Variants in PTCHD4 observed in about 807,000 individuals in gnomAD.
The protein encoded by PTCHD4 is patched domain containing 4.
Under a neutral mutation model 58.1 loss-of-function variants are expected in PTCHD4, and 33 were observed. The observed-to-expected ratio is 0.57, with a 90% CI of 0.43 to 0.76. The LOEUF is 0.76. Ranked by LOEUF, PTCHD4 falls within the 30% of genes least tolerant of loss-of-function variation. The probability of loss-of-function intolerance (pLI) is 0.00; values close to 1 mark genes in which losing one functional copy is unlikely to be tolerated. For missense variants in PTCHD4, 1,058 were observed against 1,027.1 expected, an observed-to-expected ratio of 1.03 and a Z score of -0.41; for synonymous variants, 478 against 409.6, an observed-to-expected ratio of 1.17 and a Z score of -2.02.
In PTCHD4 at chr6:47,959,234, C is replaced by G. The variant is rs367707028; in HGVS notation, c.898+49400G>C. On this transcript the variant is annotated intron_variant, in intron 4 of 4. Coordinates refer to ENST00000339488, the MANE Select transcript of PTCHD4 (RefSeq NM_001384253.1). ...CAAGAAGTTAAACAGACATGATGTA[C>G]AAAATGATTAAAAGGAAACTTCTAG... Among the ~76,000 whole-genome samples, 6 of 152,048 alleles carry G rather than the reference C, an allele frequency of 3.9e-5. No individual in the cohort carries two copies. In the East Asian group the frequency reaches 5.8e-4, roughly 15 times the overall value.
chr6:47,939,842 A>T (rs952693717), intron 4 of PTCHD4, among the ~76,000 whole-genome samples: 1 of 152,112 alleles, frequency 6.6e-6, no homozygotes, highest in Admixed American at 6.5e-5. Context: ...GAAAGAGCAC[A>T]TTCTTTGTTT....
intron 3 of PTCHD4, among the ~76,000 whole-genome samples, chr6:48,060,784 C>G (rs1239080366): frequency 2.0e-5 from 3 of 152,156 alleles, no homozygotes; most frequent in Admixed American, 6.5e-5. Context: ...ACGCCTTCAG[C>G]CTTTGAAATG....
At chr6:47,904,693 G>C (rs921706487) in intron 4 of PTCHD4, among the ~76,000 whole-genome samples, 3 of 152,118 alleles carry the variant, frequency 2.0e-5, no homozygotes, top group Admixed American at 6.6e-5. Flanking sequence ...ATGAAAATAT[G>C]ATTAGTCTTT....
chr6:47,973,996 C>T (rs1581958053), intron 4 of PTCHD4, among the ~76,000 whole-genome samples: 1 of 152,186 alleles, frequency 6.6e-6, no homozygotes, highest in Admixed American at 6.5e-5. Context: ...GAACAGGACA[C>T]CCAGAGAAAG....
chr6:47,877,162 C>A lies in PTCHD4; in HGVS notation c.*1141G>T, dbSNP rs1365514788. Among the ~76,000 whole-genome samples the A allele has an allele frequency of 6.6e-6, 1 of 151,920 alleles. No individual in the cohort carries two copies. The highest frequency in any genetic ancestry group is 1.5e-5 in the Non-Finnish European group (1 of 67,932). On this transcript the variant is annotated 3_prime_UTR_variant, in exon 5 of 5. Transcript: ENST00000339488. The stretch of plus-strand genomic sequence containing the variant: ...TGGCATGTGATGAGTGGGTATGGTC[C>A]ATTTTATTCTATTTCACTCTACGAG...
At chr6:48,062,888 T>C (rs1189266371) in intron 3 of PTCHD4, among the ~76,000 whole-genome samples, 1 of 152,092 alleles carries the variant, frequency 6.6e-6, no homozygotes, top group Non-Finnish European at 1.5e-5. Context: ...ATCCTGACAA[T>C]CCCTGGCCTG....
Position 47,864,842 on chromosome 6 carries a change from G to T in PTCHD4, c.*13461C>A, listed in dbSNP as rs1178708992. 6.6e-6 allele frequency among the ~76,000 whole-genome samples: 1 copy of T among 151,960 alleles called. No homozygotes were observed. The highest frequency in any genetic ancestry group is 1.5e-5 in the Non-Finnish European group (1 of 67,926). ...CCATCCAATGAATGTGTAACTATGTGTAAGGATATGTTGTGAAAATTACAT... is the reference window on the plus strand; with the variant it reads ...CCATCCAATGAATGTGTAACTATGTTTAAGGATATGTTGTGAAAATTACAT... On this transcript the variant is annotated 3_prime_UTR_variant, in exon 5 of 5. Coordinates refer to ENST00000339488, the MANE Select transcript of PTCHD4 (RefSeq NM_001384253.1).
rs1332563040 is a variant in PTCHD4 at position 47,868,644 on chromosome 6, A to G, written c.*9659T>C. ...GAATTTCAACTTGAAGCACATATAA[A>G]TGACAATAAATAGTACTTTTGCAAA... On this transcript the variant is annotated 3_prime_UTR_variant, in exon 5 of 5. Transcript: ENST00000339488. Among the ~76,000 whole-genome samples the G allele has an allele frequency of 6.6e-6, 1 of 151,818 alleles. No homozygotes were observed. The highest frequency in any genetic ancestry group is 2.4e-5 in the African/African-American group (1 of 41,404).
chr6:47,922,116 C>A (rs1765452406), intron 4 of PTCHD4, among the ~76,000 whole-genome samples: 1 of 151,760 alleles, frequency 6.6e-6, no homozygotes, highest in South Asian at 2.1e-4. Context: ...TCAGCCTGGC[C>A]ACAGAGTAAG....
intron 4 of PTCHD4, among the ~76,000 whole-genome samples, chr6:47,953,574 T>C (rs1029264790): frequency 6.6e-6 from 1 of 152,108 alleles, no homozygotes; most frequent in African/African-American, 2.4e-5. Context: ...ACATAGTCAC[T>C]GAAAAATTAG....
intron 4 of PTCHD4, among the ~76,000 whole-genome samples, chr6:47,951,439 C>T (rs1766645933): frequency 6.6e-6 from 1 of 152,126 alleles, no homozygotes; most frequent in Non-Finnish European, 1.5e-5. Flanking sequence ...TGGGCACTAT[C>T]TAGGTTACTC....
chr6:48,034,679 A>G (rs145572574), intron 3 of PTCHD4, among the ~76,000 whole-genome samples: 7 of 152,254 alleles, frequency 4.6e-5, no homozygotes, highest in African/African-American at 1.4e-4. Flanking sequence ...GAGCCATGGC[A>G]TACTACAGAA....
chr6:47,997,694 G>A (rs2114052252), intron 4 of PTCHD4, among the ~76,000 whole-genome samples: 1 of 152,250 alleles, frequency 6.6e-6, no homozygotes, highest in Non-Finnish European at 1.5e-5. Flanking sequence ...TCTGGATTAA[G>A]ACATTACTCA....
At chr6:47,997,477 C>G (rs1259380661) in intron 4 of PTCHD4, among the ~76,000 whole-genome samples, 1 of 152,026 alleles carries the variant, frequency 6.6e-6, no homozygotes, top group Non-Finnish European at 1.5e-5. Flanking sequence ...AATGTTACAC[C>G]TAAAAGGGAA....
intron 4 of PTCHD4, among the ~76,000 whole-genome samples, chr6:47,903,187 A>C (rs1764767374): frequency 6.6e-6 from 1 of 152,164 alleles, no homozygotes; most frequent in Admixed American, 6.6e-5. Flanking sequence ...TTTCAGCTTG[A>C]CTAGTTTCTT....
chr6:48,108,979 T>C (rs1416101888), intron 1 of PTCHD4, among the ~76,000 whole-genome samples: 3 of 151,990 alleles, frequency 2.0e-5, no homozygotes, highest in African/African-American at 7.2e-5. Context: ...AAAAATAAGA[T>C]AACATTATGT....
chr6:48,054,731 T>TA (rs959052716), intron 3 of PTCHD4, among the ~76,000 whole-genome samples: 3 of 152,136 alleles, frequency 2.0e-5, no homozygotes, highest in Admixed American at 2.0e-4. Flanking sequence ...ATAAATAGGA[T>TA]AAAAAATAAC....
intron 4 of PTCHD4, among the ~76,000 whole-genome samples, chr6:47,941,702 A>G (rs1766231705): frequency 6.6e-6 from 1 of 152,210 alleles, no homozygotes; most frequent in Non-Finnish European, 1.5e-5. Flanking sequence ...CAGTTTGCTC[A>G]TTTGTAAAAT....
At chr6:47,929,005 T>C (rs926772134) in intron 4 of PTCHD4, among the ~76,000 whole-genome samples, 1 of 152,156 alleles carries the variant, frequency 6.6e-6, no homozygotes. Flanking sequence ...ATCTGAGGTA[T>C]AGAGAATGTT....
Sources: gnomAD v4.1 joint callset for allele counts (sites outside exome capture counted in the v4.1 genomes callset) on GRCh38, gnomAD v4.1.1 for gene constraint, MANE v1.5 for transcripts, NCBI Gene and HGNC (gene_info 2026-07-23, HGNC 2026-07-21) for gene names.